The following GRID1 variants were observed in gnomAD, a reference collection of about 807,000 sequenced individuals.
The protein encoded by GRID1 is glutamate receptor ionotropic, delta-1.
GRID1 carries 28 observed loss-of-function variants against 98.0 expected under a neutral mutation model. The ratio of observed to expected loss-of-function variants is 0.29; its 90% CI spans 0.21 to 0.39. The LOEUF (loss-of-function observed/expected upper bound fraction) is 0.39. Ranked by LOEUF, GRID1 falls within the 10% of genes least tolerant of loss-of-function variation. The pLI, the probability that GRID1 is intolerant of heterozygous loss-of-function variation, is 1.00. For synonymous variants in GRID1, 553 were observed against 538.5 expected (o/e 1.03, Z -0.37); for missense variants, 1,111 against 1,340.5 (o/e 0.83, Z 2.67).
At position 86,102,086 on chromosome 10, in the gene GRID1, A is replaced by G. The variant is rs947927268; in HGVS notation, c.726+36733T>C. On this transcript the variant is annotated intron_variant, in intron 4 of 15. Coordinates refer to ENST00000327946, the MANE Select transcript of GRID1 (RefSeq NM_017551.3). The stretch of plus-strand genomic sequence containing the variant: ...CATAAGTGGGGACCATCCCTCATAG[A>G]CCAGGAAGTGTGTTCGCCCTGCTTT... Among the ~76,000 whole-genome samples, 5 of 152,344 alleles carry G rather than the reference A, an allele frequency of 3.3e-5. No individual in the cohort carries two copies. The East Asian group carries it at 9.6e-4, about 29-fold the overall frequency.
chr10:86,270,638 C>T (rs918257695), intron 2 of GRID1, among the ~76,000 whole-genome samples: 5 of 151,944 alleles, frequency 3.3e-5, no homozygotes, highest in African/African-American at 9.7e-5. Context: ...TGCAGTGAGC[C>T]GAGATTGTGC....
chr10:86,049,821 CT>C (rs1472368211), intron 4 of GRID1, among the ~76,000 whole-genome samples: 1 of 152,218 alleles, frequency 6.6e-6, no homozygotes, highest in African/African-American at 2.4e-5. Flanking sequence ...TCTTCTTCTT[CT>C]TCTTTTTGTC....
intron 3 of GRID1, among the ~76,000 whole-genome samples, chr10:86,197,142 G>A (rs1386640814): frequency 2.0e-5 from 3 of 151,588 alleles, no homozygotes; most frequent in Non-Finnish European, 4.4e-5. Context: ...GGGAGAAAGA[G>A]GTGCCAAGAG....
At chr10:85,819,614 T>C (rs923602811) in intron 8 of GRID1, among the ~76,000 whole-genome samples, 22 of 152,218 alleles carry the variant, frequency 1.4e-4, no homozygotes, top group African/African-American at 5.3e-4. Context: ...CGTCTAATCA[T>C]AAGAAAACTT....
At chr10:86,213,468 G>A (rs1589413273) in intron 2 of GRID1, among the ~76,000 whole-genome samples, 1 of 151,674 alleles carries the variant, frequency 6.6e-6, no homozygotes. Flanking sequence ...AAGCTATCTC[G>A]CATGACTTCC....
In GRID1 at chr10:85,647,330, C is replaced by T. The variant is rs761174458; in HGVS notation, c.2065G>A (p.Glu689Lys). 3.1e-6 allele frequency: 5 copies of T among 1,614,084 alleles called. No homozygotes were observed. ...YGTVRDSAVY[E>K]YFRAKGTNPL... ...TTGGTGCCCTTGGCTCGGAAGTACT[C>T]ATATACAGCAGAATCCCGGACAGTG... The change falls in exon 13 of 16, where the codon GAG (glutamate) becomes AAG (lysine). Residue 689 changes from glutamate to lysine, a missense_variant. Glu to Lys is a moderately conservative substitution (Grantham distance 56). Coordinates refer to ENST00000327946, the MANE Select transcript of GRID1 (RefSeq NM_017551.3).
chr10:86,192,449 G>A lies in GRID1; in HGVS notation c.520+13915C>T, dbSNP rs76094433. ...TAAGCCAGTCTCAAGGAACAAATAC[G>A]GTACGAGTCCACTTATATGAGGCCC... On this transcript the variant is annotated intron_variant, in intron 3 of 15. Transcript: ENST00000327946. The surrounding 1 kb of genome is among the most constrained non-coding windows in gnomAD (Gnocchi z 4.8). Among the ~76,000 whole-genome samples the A allele has an allele frequency of 6.6e-3, 1,004 of 152,180 alleles. 25 individuals carry two copies. In the East Asian group the frequency reaches 0.08, roughly 12 times the overall value.
chr10:85,826,434 A>T (rs1205770639), intron 8 of GRID1, among the ~76,000 whole-genome samples: 1 of 152,208 alleles, frequency 6.6e-6, no homozygotes, highest in East Asian at 1.9e-4. Flanking sequence ...CCCCAATGAC[A>T]TAACTTCAGA....
At chr10:85,663,699 CT>C (rs1840990713) in intron 12 of GRID1, among the ~76,000 whole-genome samples, 1 of 152,210 alleles carries the variant, frequency 6.6e-6, no homozygotes, top group East Asian at 1.9e-4. Context: ...TTCTCACCCA[CT>C]TTTTATCTCC....
At chr10:86,074,913 TAGTTGCTGA>T (rs1362217657) in intron 4 of GRID1, among the ~76,000 whole-genome samples, 1 of 152,204 alleles carries the variant, frequency 6.6e-6, no homozygotes, top group Non-Finnish European at 1.5e-5. Context: ...AATATTATTG[TAGTTGCTGA>T]ATGAATGAAC....
At chr10:85,807,696 G>A (rs1189204116) in intron 8 of GRID1, among the ~76,000 whole-genome samples, 1 of 152,064 alleles carries the variant, frequency 6.6e-6, no homozygotes, top group Non-Finnish European at 1.5e-5. Flanking sequence ...ACATTCTCTC[G>A]AGTGGCATAA....
chr10:85,879,779 A>G (rs1281000991), intron 5 of GRID1, among the ~76,000 whole-genome samples: 6 of 152,206 alleles, frequency 3.9e-5, no homozygotes, highest in Non-Finnish European at 7.3e-5. Context: ...ATCAGAGCAG[A>G]ACTGAAGGAA....
chr10:86,081,599 CA>C (rs1294317038), intron 4 of GRID1, among the ~76,000 whole-genome samples: 1 of 152,110 alleles, frequency 6.6e-6, no homozygotes, highest in Admixed American at 6.5e-5. Context: ...CCACAATTGC[CA>C]AAATGTGAAA....
At chr10:85,615,461 A>G (rs559312242) in intron 14 of GRID1, among the ~76,000 whole-genome samples, 1 of 152,328 alleles carries the variant, frequency 6.6e-6, no homozygotes, top group South Asian at 2.1e-4. Context: ...TGTTGTGTCA[A>G]TAAATGTGTG....
intron 4 of GRID1, among the ~76,000 whole-genome samples, chr10:86,010,426 T>TA (rs1317575679): frequency 6.6e-6 from 1 of 152,126 alleles, no homozygotes; most frequent in African/African-American, 2.4e-5. Flanking sequence ...AAGCGAGGGC[T>TA]ATGAAGGGCA....
chr10:85,658,291 A>G (rs1840926412), intron 12 of GRID1, among the ~76,000 whole-genome samples: 1 of 152,164 alleles, frequency 6.6e-6, no homozygotes, highest in South Asian at 2.1e-4. Context: ...CAGTCACTTG[A>G]TATACCAGAA....
rs138681675 is a variant in GRID1 at position 86,147,788 on chromosome 10, A to G, written c.521-8764T>C. On this transcript the variant is annotated intron_variant, in intron 3 of 15. Coordinates refer to ENST00000327946, the MANE Select transcript of GRID1 (RefSeq NM_017551.3). ...ATGCCTTTTATCTGCAAACCAACCA[A>G]TCCAGAGCCCAGAACCCCGACCACA... Among the ~76,000 whole-genome samples, 865 of 152,168 alleles carry G rather than the reference A, an allele frequency of 5.7e-3. 12 individuals are homozygous for G. The highest frequency in any genetic ancestry group is 0.019 in the African/African-American group (787 of 41,518).
intron 8 of GRID1, among the ~76,000 whole-genome samples, chr10:85,791,468 G>T (rs888207483): frequency 7.2e-5 from 11 of 152,186 alleles, no homozygotes; most frequent in African/African-American, 2.7e-4. Context: ...TCTCACAGAA[G>T]CCAAGGACGG....
chr10:86,248,302 C>T (rs10887565), intron 2 of GRID1, among the ~76,000 whole-genome samples: 8,161 of 152,248 alleles, frequency 0.054, 339 homozygotes, highest in African/African-American at 0.12. Context: ...CACAGCACCA[C>T]CCACTGCCAT....
Sources: allele counts gnomAD v4.1 joint callset (sites outside exome capture counted in the v4.1 genomes callset), GRCh38; gene constraint gnomAD v4.1.1; non-coding constraint Gnocchi (gnomAD v3.1); transcripts MANE v1.5; gene names NCBI Gene and HGNC (gene_info 2026-07-23, HGNC 2026-07-21).